MCMBP: variants seen among roughly 807,000 people sequenced by gnomAD.
The protein encoded by MCMBP is mini-chromosome maintenance complex-binding protein.
In MCMBP, 31 loss-of-function variants were observed where a neutral mutation model predicts 81.3. The ratio of observed to expected loss-of-function variants is 0.38; its 90% CI spans 0.29 to 0.51. The LOEUF is 0.51. Ranked by LOEUF, MCMBP falls within the 20% of genes least tolerant of loss-of-function variation. The probability of loss-of-function intolerance (pLI) is 0.87; values close to 1 mark genes in which losing one functional copy is unlikely to be tolerated. For synonymous variants in MCMBP, 267 were observed against 275.9 expected (o/e 0.97, Z 0.32); for missense variants, 645 against 772.1 (o/e 0.84, Z 1.95).
At chr10:119,869,124 T>G (rs1436393686) in intron 1 of MCMBP, among the ~76,000 whole-genome samples, 1 of 152,198 alleles carries the variant, frequency 6.6e-6, no homozygotes, top group Non-Finnish European at 1.5e-5. Flanking sequence ...GAGACTACGA[T>G]GGCTTTAATT....
chr10:119,860,778 T>C (rs972124700), intron 1 of MCMBP, among the ~76,000 whole-genome samples: 5 of 152,242 alleles, frequency 3.3e-5, no homozygotes, highest in African/African-American at 7.2e-5. Flanking sequence ...GGTTCCCTTA[T>C]GATCAGATTC....
chr10:119,849,528 G>A lies in MCMBP; in HGVS notation c.623C>T (p.Thr208Ile). The A allele has an allele frequency of 6.2e-7, 1 of 1,607,898 alleles. No homozygotes were observed. The highest frequency in any genetic ancestry group is 1.7e-5 in the Admixed American group (1 of 58,084). Residue 208 changes from threonine to isoleucine, a missense_variant, in exon 7 of 16, where the codon ACT (threonine) becomes ATT (isoleucine). Coordinates refer to ENST00000369077, the MANE Select transcript of MCMBP (RefSeq NM_001256378.2). ...QWCGEPKRLE[T>I]EASTGQQLNS... Reference sequence around the variant, plus strand: ...CAGCTGTTGCCCAGTAGAAGCTTCAGTTTCTAAACGTTTTGGCTCTCCACA... The same window carrying A: ...CAGCTGTTGCCCAGTAGAAGCTTCAATTTCTAAACGTTTTGGCTCTCCACA...
intron 6 of MCMBP, among the ~76,000 whole-genome samples, chr10:119,851,428 T>C (rs1214272993): frequency 3.3e-5 from 5 of 152,182 alleles, no homozygotes; most frequent in African/African-American, 1.2e-4. Context: ...TATTACAATA[T>C]ATAAGTTACT....
At chr10:119,854,197 A>G (rs1045447451) in intron 5 of MCMBP, among the ~76,000 whole-genome samples, 10 of 151,820 alleles carry the variant, frequency 6.6e-5, no homozygotes, top group Non-Finnish European at 1.3e-4. Context: ...GCCCACCACC[A>G]AGCCCGGCTA....
chr10:119,847,555 T>G, intron 8 of MCMBP, 58 bp downstream of exon 8: 1 of 1,063,594 alleles, frequency 9.4e-7, no homozygotes, highest in Non-Finnish European at 1.4e-6. Context: ...GTAACTCTCC[T>G]GAAAACTTGA....
chr10:119,870,457 T>A (rs7087858), intron 1 of MCMBP, among the ~76,000 whole-genome samples: 16,421 of 149,644 alleles, frequency 0.11, 933 homozygotes, highest in South Asian at 0.17. Flanking sequence ...AAAAAAAAAA[T>A]GCATATTTCA....
chr10:119,848,194 G>C (rs12780120), intron 7 of MCMBP, among the ~76,000 whole-genome samples: 7,897 of 151,508 alleles, frequency 0.052, 339 homozygotes, highest in South Asian at 0.19. Context: ...TTTCAAAATT[G>C]TCTGTCATGA....
At chr10:119,837,734 A>G (rs1459068735) in intron 12 of MCMBP, among the ~76,000 whole-genome samples, 1 of 152,090 alleles carries the variant, frequency 6.6e-6, no homozygotes, top group African/African-American at 2.4e-5. Context: ...CAGTGAGCCA[A>G]GATTGGCCAC....
chr10:119,864,221 T>C (rs935131663), intron 1 of MCMBP, among the ~76,000 whole-genome samples: 132 of 152,252 alleles, frequency 8.7e-4, no homozygotes, highest in African/African-American at 3.0e-3. Flanking sequence ...CACAATGGAA[T>C]GCAAGTCCTG....
chr10:119,856,168 G>C (rs557608962), intron 5 of MCMBP, among the ~76,000 whole-genome samples: 1 of 152,188 alleles, frequency 6.6e-6, no homozygotes, highest in Non-Finnish European at 1.5e-5. Context: ...GTTGCAGTGA[G>C]CCAAGATCAC....
chr10:119,835,463 A>G (rs1325159087), intron 14 of MCMBP, 77 bp downstream of exon 14: 17 of 1,220,838 alleles, frequency 1.4e-5, no homozygotes, highest in Non-Finnish European at 2.0e-5. Context: ...TTACCTTATC[A>G]GTAATTATGG....
At chr10:119,860,094 G>A (rs1853199362) in intron 1 of MCMBP, among the ~76,000 whole-genome samples, 1 of 152,112 alleles carries the variant, frequency 6.6e-6, no homozygotes, top group African/African-American at 2.4e-5. Context: ...ACTGAGCAGG[G>A]GAAGGGGCAG....
At chr10:119,860,175 G>A (rs1853203233) in intron 1 of MCMBP, among the ~76,000 whole-genome samples, 2 of 152,144 alleles carry the variant, frequency 1.3e-5, no homozygotes, top group South Asian at 4.1e-4. Flanking sequence ...GACACCTACA[G>A]AATGTGCTAC....
Position 119,862,906 on chromosome 10 carries a change from T to C in MCMBP, c.59-3022A>G, listed in dbSNP as rs184753820. Among the ~76,000 whole-genome samples the C allele has an allele frequency of 2.1e-3, 316 of 152,346 alleles. 1 individual carries two copies. The highest frequency in any genetic ancestry group is 0.014 in the Middle Eastern group (4 of 294). ...TTTGCATTTCCCTAATGGCTAACAA[T>C]GCTGAACTCTTCTCAGGGGGATATT... On this transcript the variant is annotated intron_variant, in intron 1 of 15. Coordinates refer to ENST00000369077, the MANE Select transcript of MCMBP (RefSeq NM_001256378.2).
chr10:119,838,611 C>T lies in MCMBP; in HGVS notation c.1332G>A (p.Gly444=), dbSNP rs752771731. 31 of 1,613,998 alleles carry T rather than the reference C, an allele frequency of 1.9e-5. No homozygotes were observed. Among genetic ancestry groups the T allele is most frequent in the African/African-American group, 2.7e-5 (2 of 74,920 alleles). Residue 444 remains glycine (G), a synonymous_variant, in exon 12 of 16, where the codon GGG becomes GGA. Coordinates refer to ENST00000369077, the MANE Select transcript of MCMBP (RefSeq NM_001256378.2). Reference sequence around the variant, plus strand: ...AAGTATTGCTGGGCAGCTGGAGGAGCCCACTGACCAAGCGATTGGCTGTGT... The same window carrying T: ...AAGTATTGCTGGGCAGCTGGAGGAGTCCACTGACCAAGCGATTGGCTGTGT... ...KDYTANRLVS[G]LLQLPSNTSL...
chr10:119,866,029 G>A (rs929054902), intron 1 of MCMBP, among the ~76,000 whole-genome samples: 5 of 151,602 alleles, frequency 3.3e-5, no homozygotes, highest in African/African-American at 7.3e-5. Flanking sequence ...TCAAGGCTGC[G>A]GTGAACCATG....
At position 119,832,105 on chromosome 10, in the gene MCMBP, A is replaced by G. The variant is rs1852068429; in HGVS notation, c.1708-5T>C. 1 of 1,610,246 alleles carries G rather than the reference A, an allele frequency of 6.2e-7. No homozygotes were observed. Among genetic ancestry groups the G allele is most frequent in the Non-Finnish European group, 8.5e-7 (1 of 1,178,412 alleles). ...CACAAAGTCATCTTCAACTGCCTTT[A>G]TCAAAAGAGTAAATGTAAATGATGT... On this transcript the variant is annotated splice_polypyrimidine_tract_variant and splice_region_variant and intron_variant, in intron 14 of 15. Transcript: ENST00000369077.
At position 119,847,958 on chromosome 10, in the gene MCMBP, C is replaced by CA. The variant is rs534834509; in HGVS notation, c.727-246dup. Among the ~76,000 whole-genome samples, 118 of 143,276 alleles carry CA rather than the reference C, an allele frequency of 8.2e-4. 1 individual carries two copies. In the East Asian group the frequency reaches 0.012, roughly 15 times the overall value. The allele number at this position is 143,276 out of a possible 152,430, so 94.0% of individuals were successfully genotyped here. A position where few individuals can be genotyped will look rare whatever the true frequency, so the allele number is the denominator to read the frequency against. On this transcript the variant is annotated intron_variant, in intron 7 of 15. Coordinates refer to ENST00000369077, the MANE Select transcript of MCMBP (RefSeq NM_001256378.2). ...CTGTTTTCAATATACCACAGTACTA[C>CA]AAAAAAAAAAGGCTTTTCCTAAAAT... is the stretch of plus-strand genomic sequence containing the variant.
At position 119,843,336 on chromosome 10, in the gene MCMBP, T is replaced by G; in HGVS notation, c.918A>C (p.Arg306Ser). 6.2e-7 allele frequency: 1 copy of G among 1,614,058 alleles called. No homozygotes were observed. The highest frequency in any genetic ancestry group is 8.5e-7 in the Non-Finnish European group (1 of 1,179,944). ...ACTTCTGGGCTAAGATCACATGAAT[T>G]CTCGGCACTAATGAAGCAGGAGGAC... is the stretch of plus-strand genomic sequence containing the variant. ...VHSPPASLVP[R>S]IHVILAQKLQ... The change falls in exon 9 of 16, where the codon AGA becomes AGC. Residue 306 changes from arginine to serine, a missense_variant. Physicochemically the swap from Arg to Ser is moderately radical, Grantham distance 110. Transcript: ENST00000369077.
Sources: allele counts gnomAD v4.1 joint callset (sites outside exome capture counted in the v4.1 genomes callset), GRCh38; gene constraint gnomAD v4.1.1; transcripts MANE v1.5; gene names NCBI Gene and HGNC (gene_info 2026-07-23, HGNC 2026-07-21).